The following GNA15 variants were observed in gnomAD, a reference collection of about 807,000 sequenced individuals.
GNA15 encodes G protein subunit alpha 15.
GNA15 carries 23 observed loss-of-function variants against 40.1 expected under a neutral mutation model. The ratio of observed to expected loss-of-function variants is 0.57; its 90% confidence interval spans 0.41 to 0.81. The LOEUF is 0.81. Among genes scored for constraint, GNA15 ranks in the 40% least tolerant of loss-of-function variants. The probability of loss-of-function intolerance (pLI) is 0.00; values close to 1 mark genes in which losing one functional copy is unlikely to be tolerated. For missense variants in GNA15, 522 were observed against 515.8 expected (o/e 1.01, Z -0.12); for synonymous variants, 226 against 210.4 (o/e 1.07, Z -0.64).
intron 1 of GNA15, among the ~76,000 whole-genome samples, chr19:3,147,706 G>A (rs752245946): frequency 5.3e-5 from 8 of 151,792 alleles, no homozygotes; most frequent in Non-Finnish European, 1.0e-4. Context: ...AGACCACGGT[G>A]AAACCCCGTC....
intron 1 of GNA15, among the ~76,000 whole-genome samples, chr19:3,140,041 A>AT (rs1914540337): frequency 7.0e-5 from 10 of 142,032 alleles, no homozygotes; most frequent in Admixed American, 6.8e-4. Context: ...CTCAAAAAAA[A>AT]AAAATCTATC....
intron 1 of GNA15, among the ~76,000 whole-genome samples, chr19:3,146,954 A>G (rs879455106): frequency 7.1e-6 from 1 of 140,390 alleles, no homozygotes; most frequent in African/African-American, 2.7e-5. Flanking sequence ...GGGCCTCCTC[A>G]CTGTTCCTCC....
intron 6 of GNA15, 146 bp from the exon 7 acceptor site, chr19:3,162,644 TGAC>T (rs1915165036): frequency 1.6e-6 from 1 of 616,442 alleles, no homozygotes; most frequent in Admixed American, 2.7e-5. Flanking sequence ...TGACCAGCTA[TGAC>T]TACAAAAGAT....
At chr19:3,137,603 G>A (rs577568300) in intron 1 of GNA15, among the ~76,000 whole-genome samples, 59 of 152,250 alleles carry the variant, frequency 3.9e-4, no homozygotes, top group Admixed American at 1.4e-3. Context: ...CCAACACGGT[G>A]AAACCCCATC....
At chr19:3,152,222 T>C (rs1306165405) in intron 4 of GNA15, among the ~76,000 whole-genome samples, 1 of 152,006 alleles carries the variant, frequency 6.6e-6, no homozygotes, top group Non-Finnish European at 1.5e-5. Context: ...GTGATCCCTG[T>C]AGTCATCAAC....
chr19:3,136,626 T>C lies in GNA15; in HGVS notation c.145+31T>C, dbSNP rs1914465201. 1 of 1,351,880 alleles carries C rather than the reference T, an allele frequency of 7.4e-7. No homozygotes were observed. The highest frequency in any genetic ancestry group is 1.0e-6 in the Non-Finnish European group (1 of 981,102). The allele number at this position is 1,351,880 out of a possible 1,614,324, so 83.7% of individuals were successfully genotyped here. On this transcript the variant is annotated intron_variant, in intron 1 of 6. Transcript: ENST00000262958. This position sits in a 1 kb window ranked among gnomAD's most constrained non-coding sequence, Gnocchi z 4.9. Reference sequence around the variant, plus strand: ...TCCAGGGTCGGTGGGCGGTGGGTGGTGGGCAGTGGGCGGTGGCCAGCCGGC... The same window carrying C: ...TCCAGGGTCGGTGGGCGGTGGGTGGCGGGCAGTGGGCGGTGGCCAGCCGGC...
chr19:3,148,360 C>T (rs1450792752), intron 1 of GNA15, among the ~76,000 whole-genome samples: 1 of 152,098 alleles, frequency 6.6e-6, no homozygotes, highest in Admixed American at 6.5e-5. Flanking sequence ...AGTGCTGGGA[C>T]TACAGGCATG....
At position 3,136,967 on chromosome 19, in the gene GNA15, C is replaced by T. The variant is rs1419437678; in HGVS notation, c.145+372C>T. 3.3e-5 allele frequency among the ~76,000 whole-genome samples: 5 copies of T among 152,262 alleles called. No homozygotes were observed. The highest frequency in any genetic ancestry group is 7.2e-5 in the African/African-American group (3 of 41,568). On this transcript the variant is annotated intron_variant, in intron 1 of 6. Transcript: ENST00000262958. The surrounding 1 kb of genome is among the most constrained non-coding windows in gnomAD (Gnocchi z 4.9). ...TGCAACCCGTTCTGGCCAGCCCACC[C>T]GTAAGGGAGGGGCCGGCTCCAGCCT...
At chr19:3,145,932 C>A (rs754470386) in intron 1 of GNA15, among the ~76,000 whole-genome samples, 1 of 152,062 alleles carries the variant, frequency 6.6e-6, no homozygotes, top group African/African-American at 2.4e-5. Flanking sequence ...CGGCCACCCC[C>A]GACCTGCCCC....
intron 2 of GNA15, 172 bp from the exon 3 acceptor site, chr19:3,149,959 C>T: frequency 1.7e-6 from 1 of 578,312 alleles, no homozygotes; most frequent in East Asian, 3.1e-5. Flanking sequence ...CATGCAAGAA[C>T]AGACGGAGGA....
intron 5 of GNA15, among the ~76,000 whole-genome samples, chr19:3,156,196 A>ACTCTACAGTG (rs751206001): frequency 1.2e-5 from 1 of 84,472 alleles, no homozygotes; most frequent in Non-Finnish European, 2.7e-5. Flanking sequence ...ACACACACAC[A>ACTCTACAGTG]CACACACTAC....
chr19:3,158,847 G>A (rs906643932), intron 6 of GNA15, among the ~76,000 whole-genome samples: 1 of 151,884 alleles, frequency 6.6e-6, no homozygotes, highest in Non-Finnish European at 1.5e-5. Flanking sequence ...TGTTGGTCAG[G>A]CTGGTCTCGA....
chr19:3,163,059 T>C lies in GNA15; in HGVS notation c.*40T>C. The stretch of plus-strand genomic sequence containing the variant: ...GGGGCAGGCGGCACCGGCGGGCGGG[T>C]GGGAGGTGGGAGTGGCTGCAGGGAC... On this transcript the variant is annotated 3_prime_UTR_variant, in exon 7 of 7. Transcript: ENST00000262958. 2.3e-6 allele frequency: 3 copies of C among 1,324,788 alleles called. No individual in the cohort carries two copies. The highest frequency in any genetic ancestry group is 2.4e-5 in the South Asian group (2 of 84,908). The allele number at this position is 1,324,788 out of a possible 1,614,324, so 82.1% of individuals were successfully genotyped here.
intron 1 of GNA15, among the ~76,000 whole-genome samples, chr19:3,138,993 T>G (rs1315333971): frequency 1.3e-5 from 2 of 149,462 alleles, no homozygotes; most frequent in Non-Finnish European, 3.0e-5. Flanking sequence ...TCCCCCAGGT[T>G]GGAGTGCAGT....
In GNA15 at chr19:3,163,118, G is replaced by T. The variant is rs1915179055; in HGVS notation, c.*99G>T. On this transcript the variant is annotated 3_prime_UTR_variant, in exon 7 of 7. Transcript: ENST00000262958. ...TCCCTGGTCTATCTCTCCAGCCTCG[G>T]CCCACACGCAAGGGAGTCGGGGGAC... 1 of 766,292 alleles carries T rather than the reference G, an allele frequency of 1.3e-6. No homozygotes were observed. Among genetic ancestry groups the T allele is most frequent in the Admixed American group, 2.1e-5 (1 of 47,872 alleles). 47.5% of individuals were successfully genotyped at this position (766,292 alleles called of 1,614,324 possible). A position where few individuals can be genotyped will look rare whatever the true frequency, so the allele number is the denominator to read the frequency against.
chr19:3,148,700 C>T lies in GNA15; in HGVS notation c.255C>T (p.Asn85=), dbSNP rs1318539355. The change falls in exon 2 of 7, where the codon AAC becomes AAT. Residue 85 remains asparagine, a synonymous_variant. Coordinates refer to ENST00000262958, the MANE Select transcript of GNA15 (RefSeq NM_002068.4). Reference sequence around the variant, plus strand: ...GCTTCCGGCCCCTGGTCTACCAGAACATCTTCGTGTCCATGCGGGCCATGA... The same window carrying T: ...GCTTCCGGCCCCTGGTCTACCAGAATATCTTCGTGTCCATGCGGGCCATGA... ...RKGFRPLVYQ[N]IFVSMRAMIE... 1 of 1,601,856 alleles carries T rather than the reference C, an allele frequency of 6.2e-7. No individual in the cohort carries two copies. The highest frequency in any genetic ancestry group is 1.7e-5 in the Admixed American group (1 of 58,240).
intron 4 of GNA15, among the ~76,000 whole-genome samples, chr19:3,152,194 G>A (rs1056546229): frequency 1.3e-5 from 2 of 152,172 alleles, no homozygotes; most frequent in East Asian, 1.9e-4. Context: ...GGGGAGGCCT[G>A]GTCTGGGGAG....
At chr19:3,156,563 G>T (rs950908062) in intron 5 of GNA15, among the ~76,000 whole-genome samples, 2 of 152,158 alleles carry the variant, frequency 1.3e-5, no homozygotes, top group African/African-American at 4.8e-5. Flanking sequence ...CGCGATCTCG[G>T]CTCACTGGAA....
intron 1 of GNA15, among the ~76,000 whole-genome samples, chr19:3,138,733 C>A (rs1195352977): frequency 6.8e-6 from 1 of 147,530 alleles, no homozygotes; most frequent in Non-Finnish European, 1.5e-5. Flanking sequence ...CGGGTTCAAG[C>A]AATTCTCCTG....
Sources: allele counts gnomAD v4.1 joint callset (sites outside exome capture counted in the v4.1 genomes callset), GRCh38; gene constraint gnomAD v4.1.1; non-coding constraint Gnocchi (gnomAD v3.1); transcripts MANE v1.5; gene names NCBI Gene and HGNC (gene_info 2026-07-23, HGNC 2026-07-21).